DTD1: variants seen among roughly 807,000 people sequenced by gnomAD.
DTD1 encodes D-tyrosyl-tRNA deacylase 1 homolog.
A neutral mutation model predicts 25.6 loss-of-function variants in DTD1; 13 were observed. That is an observed-to-expected ratio of 0.51 (90% CI 0.33 to 0.81). DTD1 has a LOEUF of 0.81. Ranked by LOEUF, DTD1 falls within the 30% of genes least tolerant of loss-of-function variation. The pLI, the probability that DTD1 is intolerant of heterozygous loss-of-function variation, is 0.02. For synonymous variants in DTD1, 110 were observed against 103.6 expected (o/e 1.06, Z -0.37); for missense variants, 193 against 266.4 (o/e 0.72, Z 1.92).
intron 4 of DTD1, among the ~76,000 whole-genome samples, chr20:18,696,649 G>C (rs1295885117): frequency 6.6e-6 from 1 of 151,974 alleles, no homozygotes; most frequent in Non-Finnish European, 1.5e-5. Flanking sequence ...CCGCCTCCCG[G>C]GTTCAAGTGA....
chr20:18,734,978 A>G (rs1197307183), intron 4 of DTD1, among the ~76,000 whole-genome samples: 1 of 152,184 alleles, frequency 6.6e-6, no homozygotes, highest in African/African-American at 2.4e-5. Context: ...GTTCCCCCTG[A>G]CATCAGCCGG....
chr20:18,679,783 T>C (rs2122409335), intron 4 of DTD1, among the ~76,000 whole-genome samples: 1 of 152,332 alleles, frequency 6.6e-6, no homozygotes, highest in South Asian at 2.1e-4. Flanking sequence ...CCTGTTCTGT[T>C]AGCTTGCTGA....
chr20:18,667,480 G>C (rs1236666900), intron 4 of DTD1, among the ~76,000 whole-genome samples: 1 of 152,210 alleles, frequency 6.6e-6, no homozygotes, highest in Non-Finnish European at 1.5e-5. Flanking sequence ...ACCAAATGGG[G>C]CTGCTCTGCT....
At chr20:18,718,590 A>G (rs1434413138) in intron 4 of DTD1, among the ~76,000 whole-genome samples, 2 of 152,246 alleles carry the variant, frequency 1.3e-5, no homozygotes, top group Non-Finnish European at 2.9e-5. Flanking sequence ...ATGCAATGCT[A>G]TATAGATTAT....
At chr20:18,754,608 A>G (rs1327533203) in intron 5 of DTD1, among the ~76,000 whole-genome samples, 1 of 152,238 alleles carries the variant, frequency 6.6e-6, no homozygotes, top group Non-Finnish European at 1.5e-5. Flanking sequence ...ACTTCTGCTC[A>G]GCACTTCTAA....
chr20:18,705,045 T>G (rs1337872049), intron 4 of DTD1, among the ~76,000 whole-genome samples: 2 of 152,162 alleles, frequency 1.3e-5, no homozygotes, highest in Non-Finnish European at 2.9e-5. Context: ...TTTAATAGAT[T>G]TGCACTAGCC....
intron 4 of DTD1, among the ~76,000 whole-genome samples, chr20:18,738,399 C>T (rs947713064): frequency 5.3e-5 from 8 of 152,188 alleles, no homozygotes; most frequent in Non-Finnish European, 8.8e-5. Context: ...TGGCTTATAA[C>T]GTGAGGGTGG....
intron 4 of DTD1, chr20:18,632,082 T>A: frequency 2.2e-6 from 2 of 912,942 alleles, no homozygotes; most frequent in Non-Finnish European, 2.6e-6. Flanking sequence ...GGACATGTAA[T>A]TTACTTGACT....
chr20:18,715,825 A>G (rs1436202871), intron 4 of DTD1, among the ~76,000 whole-genome samples: 1 of 152,018 alleles, frequency 6.6e-6, no homozygotes, highest in Non-Finnish European at 1.5e-5. Flanking sequence ...TGGGCAAACA[A>G]CAGGTTCATG....
chr20:18,639,101 A>G (rs2060819201), intron 4 of DTD1, among the ~76,000 whole-genome samples: 2 of 150,506 alleles, frequency 1.3e-5, no homozygotes, highest in African/African-American at 4.9e-5. Flanking sequence ...AAGGAGTGCG[A>G]TGCTCACCCC....
chr20:18,616,647 A>G (rs6081248), intron 3 of DTD1, among the ~76,000 whole-genome samples: 47,776 of 151,994 alleles, frequency 0.31, 8,207 homozygotes, highest in South Asian at 0.42. Context: ...AAAAGAAAAA[A>G]AAAGAAAAAA....
intron 4 of DTD1, chr20:18,631,938 G>T (rs2060789467): frequency 2.1e-6 from 2 of 974,752 alleles, no homozygotes; most frequent in Non-Finnish European, 2.4e-6. Flanking sequence ...GTACAAAGAT[G>T]CAGTTATTTT....
chr20:18,669,451 CCT>C (rs1232405408), intron 4 of DTD1, among the ~76,000 whole-genome samples: 1 of 152,218 alleles, frequency 6.6e-6, no homozygotes, highest in African/African-American at 2.4e-5. Context: ...CGGCTGAGCT[CCT>C]CTTTCTCCTG....
chr20:18,738,664 C>G (rs2061265983), intron 4 of DTD1, among the ~76,000 whole-genome samples: 1 of 152,166 alleles, frequency 6.6e-6, no homozygotes, highest in African/African-American at 2.4e-5. Context: ...CCCCTCAGGT[C>G]TTGTTGGCTA....
chr20:18,707,963 G>A (rs2061133116), intron 4 of DTD1, among the ~76,000 whole-genome samples: 1 of 150,986 alleles, frequency 6.6e-6, no homozygotes, highest in Non-Finnish European at 1.5e-5. Context: ...GAACCAGCCA[G>A]TGTTTCCAAC....
At chr20:18,696,617 C>T (rs529722306) in intron 4 of DTD1, among the ~76,000 whole-genome samples, 2 of 152,192 alleles carry the variant, frequency 1.3e-5, no homozygotes, top group Admixed American at 6.5e-5. Context: ...TGCAATGGCA[C>T]GATCTCGGCT....
intron 4 of DTD1, among the ~76,000 whole-genome samples, chr20:18,725,344 T>A (rs1452163167): frequency 6.6e-6 from 1 of 152,212 alleles, no homozygotes; most frequent in Admixed American, 6.5e-5. Flanking sequence ...GAACCCTGTT[T>A]TAGCTAGTCC....
chr20:18,588,931 T>G (rs1315626657), intron 1 of DTD1: 2 of 939,516 alleles, frequency 2.1e-6, no homozygotes, highest in Non-Finnish European at 2.5e-6. Context: ...AGCTTTATAT[T>G]GTCTTTAGTC....
intron 5 of DTD1, among the ~76,000 whole-genome samples, chr20:18,754,864 T>G (rs1568690992): frequency 6.6e-6 from 1 of 152,262 alleles, no homozygotes; most frequent in Non-Finnish European, 1.5e-5. Context: ...CAGTGTCCAC[T>G]GCTGGCCAAA....
Sources: gnomAD v4.1 joint callset for allele counts (sites outside exome capture counted in the v4.1 genomes callset) on GRCh38, gnomAD v4.1.1 for gene constraint, MANE v1.5 for transcripts, NCBI Gene and HGNC (gene_info 2026-07-23, HGNC 2026-07-21) for gene names.